The following HS6ST2 variants were observed in gnomAD, a reference collection of about 807,000 sequenced individuals.
HS6ST2 encodes the protein heparan-sulfate 6-O-sulfotransferase 2.
HS6ST2 carries 17 observed loss-of-function variants against 33.0 expected under a neutral mutation model. The ratio of observed to expected loss-of-function variants is 0.52; its 90% CI spans 0.35 to 0.77. HS6ST2 has a LOEUF of 0.77. HS6ST2 is among the 30% of genes least tolerant of loss of function. The pLI is 0.01. For missense variants in HS6ST2, 519 were observed against 551.7 expected (o/e 0.94, Z 0.59); for synonymous variants, 248 against 237.1 (o/e 1.05, Z -0.42).
At chrX:132,682,988 C>T (rs1184394219) in intron 3 of HS6ST2, among the ~76,000 whole-genome samples, 1 of 110,082 alleles carries the variant, frequency 9.1e-6, no homozygotes. Flanking sequence ...GTGGCACTTG[C>T]CTGTAGGCCC....
intron 2 of HS6ST2, among the ~76,000 whole-genome samples, chrX:132,899,733 G>A (rs1003179209): frequency 5.4e-5 from 6 of 111,423 alleles, no homozygotes; most frequent in South Asian, 3.8e-4. Flanking sequence ...CTATAAATGC[G>A]CAAGTCTAAA....
At chrX:132,844,054 C>T (rs908963410) in intron 2 of HS6ST2, among the ~76,000 whole-genome samples, 5 of 111,879 alleles carry the variant, frequency 4.5e-5, no homozygotes, top group African/African-American at 6.5e-5. Context: ...TCATGAAATC[C>T]TACATTCGCT....
intron 2 of HS6ST2, among the ~76,000 whole-genome samples, chrX:132,748,525 C>T (rs1401047659): frequency 2.7e-5 from 3 of 112,223 alleles, no homozygotes; most frequent in Non-Finnish European, 5.6e-5. Context: ...ATGACACACA[C>T]TTGGCCATCT....
intron 3 of HS6ST2, among the ~76,000 whole-genome samples, chrX:132,678,516 T>G (rs913644296): frequency 2.7e-5 from 3 of 112,755 alleles, no homozygotes; most frequent in African/African-American, 9.7e-5. Context: ...ACTTTGTACT[T>G]TTCTCTTCAC....
intron 2 of HS6ST2, among the ~76,000 whole-genome samples, chrX:132,895,972 T>A (rs762094529): frequency 7.2e-5 from 8 of 111,043 alleles, no homozygotes; most frequent in African/African-American, 2.3e-4. Flanking sequence ...ATAATAAACA[T>A]GAAGAGTTTA....
chrX:132,669,564 C>T (rs2063844543), intron 3 of HS6ST2: 1 of 123,948 alleles, frequency 8.1e-6, no homozygotes, highest in Non-Finnish European at 1.6e-5. Context: ...TCTTTCCAGG[C>T]ACTGAATTCT....
intron 2 of HS6ST2, among the ~76,000 whole-genome samples, chrX:132,785,638 T>C (rs1294321111): frequency 9.0e-6 from 1 of 111,527 alleles, no homozygotes; most frequent in Admixed American, 9.6e-5. Context: ...AGCGCAAAAA[T>C]ACCTTCTGCC....
intron 2 of HS6ST2, among the ~76,000 whole-genome samples, chrX:132,796,340 A>G (rs1243038450): frequency 3.6e-5 from 4 of 111,951 alleles, no homozygotes; most frequent in Non-Finnish European, 7.5e-5. Flanking sequence ...TGCCACCTGG[A>G]TACCATTTTC....
chrX:132,852,869 C>T (rs1177243095), intron 2 of HS6ST2, among the ~76,000 whole-genome samples: 1 of 112,072 alleles, frequency 8.9e-6, no homozygotes, highest in Non-Finnish European at 1.9e-5. Context: ...CAGCTGATGG[C>T]CCCAGGCTCT....
chrX:132,837,333 G>A lies in HS6ST2; in HGVS notation c.947+119475C>T, dbSNP rs749372386. ...GATTGTCCAGGAAAACAGTATAGCC[G>A]TGTGTGTGTGTGTGTGTGTGTGTGT... On this transcript the variant is annotated intron_variant, in intron 2 of 4. Coordinates refer to ENST00000370833, the MANE Select transcript of HS6ST2 (RefSeq NM_001394073.1). Among the ~76,000 whole-genome samples the A allele has an allele frequency of 5.3e-3, 131 of 24,614 alleles. 2 individuals are homozygous for A. In the South Asian group the frequency reaches 0.072, roughly 13 times the overall value. The allele number at this position is 24,614 out of a possible 115,157, so 21.4% of individuals were successfully genotyped here.
At chrX:132,842,443 C>G (rs191881398) in intron 2 of HS6ST2, among the ~76,000 whole-genome samples, 88 of 112,164 alleles carry the variant, frequency 7.8e-4, no homozygotes, top group African/African-American at 2.8e-3. Flanking sequence ...ATAATGCAAG[C>G]GCATTGTGCT....
intron 4 of HS6ST2, chrX:132,667,595 C>T (rs5977730): frequency 0.31 from 33,971 of 111,145 alleles, 5,428 homozygotes; most frequent in African/African-American, 0.61. Context: ...AAAAGTAAGA[C>T]AGTGAACTCC....
chrX:132,796,976 G>A (rs891833560), intron 2 of HS6ST2, among the ~76,000 whole-genome samples: 3 of 111,877 alleles, frequency 2.7e-5, no homozygotes, highest in African/African-American at 9.7e-5. Flanking sequence ...GGGTGAAGGC[G>A]AAGAGGTGGA....
intron 2 of HS6ST2, among the ~76,000 whole-genome samples, chrX:132,909,438 A>C (rs2066510886): frequency 8.9e-6 from 1 of 112,427 alleles, no homozygotes; most frequent in Non-Finnish European, 1.9e-5. Context: ...TGGAATTAGC[A>C]ACACAAGACT....
chrX:132,839,272 GTATATA>G (rs748319681), intron 2 of HS6ST2, among the ~76,000 whole-genome samples: 1,747 of 62,632 alleles, frequency 0.028, 25 homozygotes, highest in South Asian at 0.052. Flanking sequence ...TGTAGTGTGT[GTATATA>G]TATATATATA....
chrX:132,740,792 T>TGAGA (rs924487614), intron 2 of HS6ST2, among the ~76,000 whole-genome samples: 1 of 110,636 alleles, frequency 9.0e-6, no homozygotes, highest in Non-Finnish European at 1.9e-5. Flanking sequence ...CTGCTGAAAC[T>TGAGA]GAGAGATAGG....
At chrX:132,650,344 C>A (rs2063680252) in intron 4 of HS6ST2, among the ~76,000 whole-genome samples, 1 of 110,740 alleles carries the variant, frequency 9.0e-6, no homozygotes, top group Non-Finnish European at 1.9e-5. Flanking sequence ...TGGCAATGTG[C>A]GGCTCAGGAA....
At chrX:132,901,360 A>C (rs1347928158) in intron 2 of HS6ST2, among the ~76,000 whole-genome samples, 2 of 111,974 alleles carry the variant, frequency 1.8e-5, no homozygotes, top group Non-Finnish European at 3.8e-5. Context: ...ACTAATACTA[A>C]ATTGTTATAT....
At chrX:132,654,070 C>T (rs185603054) in intron 4 of HS6ST2, among the ~76,000 whole-genome samples, 1 of 111,044 alleles carries the variant, frequency 9.0e-6, no homozygotes, top group Non-Finnish European at 1.9e-5. Context: ...GTGCCTATGG[C>T]TAACAATACT....
Sources: gnomAD v4.1 joint callset for allele counts (sites outside exome capture counted in the v4.1 genomes callset) on GRCh38, gnomAD v4.1.1 for gene constraint, MANE v1.5 for transcripts, NCBI Gene and HGNC (gene_info 2026-07-23, HGNC 2026-07-21) for gene names.